SLC3A2: variants seen among roughly 807,000 people sequenced by gnomAD.
SLC3A2 encodes solute carrier family 3 member 2.
Under a neutral mutation model 48.5 loss-of-function variants are expected in SLC3A2, and 32 were observed. That is an observed-to-expected ratio of 0.66 (90% CI 0.50 to 0.89). The LOEUF is 0.89. Ranked by LOEUF, SLC3A2 falls within the 40% of genes least tolerant of loss-of-function variation. The pLI, the probability that SLC3A2 is intolerant of heterozygous loss-of-function variation, is 0.00. For synonymous variants in SLC3A2, 277 were observed against 288.8 expected (o/e 0.96, Z 0.41); for missense variants, 587 against 680.7 (o/e 0.86, Z 1.53).
Position 62,881,677 on chromosome 11 carries a change from C to T in SLC3A2, c.425-216C>T. 2.3e-6 allele frequency: 2 copies of T among 862,594 alleles called. No homozygotes were observed. Among genetic ancestry groups the T allele is most frequent in the Non-Finnish European group, 3.5e-6 (2 of 579,324 alleles). 53.4% of individuals were successfully genotyped at this position (862,594 alleles called of 1,614,324 possible). A position where few individuals can be genotyped will look rare whatever the true frequency, so the allele number is the denominator to read the frequency against. ...CGAGGGTGGGTGACTCAGCGTCCTC[C>T]TTCCCCGCGGCGCCAGAAGCCAGTT... On this transcript the variant is annotated intron_variant, in intron 1 of 8. Coordinates refer to ENST00000338663, the MANE Select transcript of SLC3A2 (RefSeq NM_001013251.3). This position sits in a 1 kb window ranked among gnomAD's most constrained non-coding sequence, Gnocchi z 4.0.
At position 62,885,214 on chromosome 11, in the gene SLC3A2, C is replaced by T. The variant is rs1170574978; in HGVS notation, c.856C>T (p.Gln286Ter). 2 of 1,614,198 alleles carry T rather than the reference C, an allele frequency of 1.2e-6. No individual in the cohort carries two copies. The highest frequency in any genetic ancestry group is 1.7e-6 in the Non-Finnish European group (2 of 1,180,038). Residue 286 changes from glutamine (Q) to a stop codon, truncating the protein, a stop_gained, in exon 6 of 9, where the codon CAG (glutamine) becomes TAG (stop). Transcript: ENST00000338663. LOFTEE classifies it high-confidence loss of function. ...GGGGACTAACTCCTCCGACCTTCAG[C>T]AGATCCTGAGCCTACTCGAATCCAA... ...IAGTNSSDLQQILSLLESNKD... is the reference protein window; with the variant it reads ...IAGTNSSDLQ
intron 1 of SLC3A2, among the ~76,000 whole-genome samples, chr11:62,869,390 G>C (rs914157849): frequency 6.6e-6 from 1 of 151,468 alleles, no homozygotes; most frequent in Non-Finnish European, 1.5e-5. Flanking sequence ...CAGGCGTGGT[G>C]GCGGGCGCCT....
intron 1 of SLC3A2, among the ~76,000 whole-genome samples, chr11:62,871,362 C>T (rs923727489): frequency 6.6e-6 from 1 of 151,574 alleles, no homozygotes; most frequent in Admixed American, 6.6e-5. Context: ...CCTCAGCCTC[C>T]CAAATAGCTG....
chr11:62,881,471 CG>C lies in SLC3A2; in HGVS notation c.424+27del. 1 of 1,545,062 alleles carries C rather than the reference CG, an allele frequency of 6.5e-7. No homozygotes were observed. Among genetic ancestry groups the C allele is most frequent in the Non-Finnish European group, 8.7e-7 (1 of 1,153,446 alleles). ...GGGTGAGTGCAGCGCGCCCCCGTCC[CG>C]GGTACCTCCGGTTGAATCTGGTGGC... is the stretch of plus-strand genomic sequence containing the variant. On this transcript the variant is annotated intron_variant, in intron 1 of 8. Coordinates refer to ENST00000338663, the MANE Select transcript of SLC3A2 (RefSeq NM_001013251.3). The surrounding 1 kb of genome is among the most constrained non-coding windows in gnomAD (Gnocchi z 4.0).
At position 62,866,411 on chromosome 11, in the gene SLC3A2, G is replaced by A. The variant is rs140677513; in HGVS notation, c.112+10030G>A. 9.6e-4 allele frequency among the ~76,000 whole-genome samples: 142 copies of A among 148,126 alleles called. 1 individual carries two copies. The highest frequency in any genetic ancestry group is 3.0e-3 in the African/African-American group (120 of 40,114). Reference sequence around the variant, plus strand: ...TAGTTTCTTTGCTTTTTTTTGGCAGGTGGGGGGGTGGTCTCACTCTATTGC... The same window carrying A: ...TAGTTTCTTTGCTTTTTTTTGGCAGATGGGGGGGTGGTCTCACTCTATTGC... On this transcript the variant is annotated intron_variant, in intron 1 of 9. Coordinates refer to the SLC3A2 transcript ENST00000377889.
At chr11:62,864,946 T>C (rs192224151) in intron 1 of SLC3A2, among the ~76,000 whole-genome samples, 1 of 151,924 alleles carries the variant, frequency 6.6e-6, no homozygotes, top group Non-Finnish European at 1.5e-5. Context: ...TAGTGATGGG[T>C]CCATGGACAA....
intron 1 of SLC3A2, among the ~76,000 whole-genome samples, chr11:62,862,207 C>G (rs2085406692): frequency 1.3e-5 from 2 of 151,134 alleles, no homozygotes; most frequent in Non-Finnish European, 2.9e-5. Flanking sequence ...ATCCCAGCTA[C>G]TCGGGAGGCT....
At chr11:62,869,263 A>T (rs982704130) in intron 1 of SLC3A2, among the ~76,000 whole-genome samples, 3 of 151,706 alleles carry the variant, frequency 2.0e-5, no homozygotes, top group Non-Finnish European at 4.4e-5. Context: ...CGTGGCTTAC[A>T]TCTGTAATCC....
At chr11:62,877,516 AAG>A (rs2135000790), upstream of SLC3A2, among the ~76,000 whole-genome samples, 1 of 152,380 alleles carries the variant, frequency 6.6e-6, no homozygotes, top group South Asian at 2.1e-4. Context: ...TTCAAGGACA[AAG>A]AGACATCCAG....
At chr11:62,857,198 T>C (rs1335404337) in intron 1 of SLC3A2, among the ~76,000 whole-genome samples, 2 of 151,748 alleles carry the variant, frequency 1.3e-5, no homozygotes, top group South Asian at 2.1e-4. Flanking sequence ...GTCTGTTCAC[T>C]GCAACCTCCG....
rs186744768 is a variant in SLC3A2 at position 62,857,024 on chromosome 11, T to C, written c.112+643T>C. Reference sequence around the variant, plus strand: ...TTTTAGTAGAGACAGGGTTTCTCCATGTTGGTCAGGCCGGTCTTGAACTCC... The same window carrying C: ...TTTTAGTAGAGACAGGGTTTCTCCACGTTGGTCAGGCCGGTCTTGAACTCC... On this transcript the variant is annotated intron_variant, in intron 1 of 9. Coordinates refer to the SLC3A2 transcript ENST00000377889. Among the ~76,000 whole-genome samples the C allele has an allele frequency of 5.1e-4, 77 of 152,014 alleles. No homozygotes were observed. The East Asian group carries it at 0.014, about 27-fold the overall frequency.
upstream of SLC3A2, among the ~76,000 whole-genome samples, chr11:62,878,328 C>T (rs1399336711): frequency 6.6e-6 from 1 of 152,112 alleles, no homozygotes; most frequent in Non-Finnish European, 1.5e-5. Context: ...GCTCTGTCTC[C>T]TAGGCTGGTA....
chr11:62,879,356 C>T (rs947455804), upstream of SLC3A2, among the ~76,000 whole-genome samples: 2 of 152,174 alleles, frequency 1.3e-5, no homozygotes, highest in Non-Finnish European at 2.9e-5. Context: ...ATCCTCCCTC[C>T]TTGGCCTCCT....
At chr11:62,884,981 GCCA>G (rs2085690571) in intron 5 of SLC3A2, among the ~76,000 whole-genome samples, 193 bp from the exon 6 acceptor site, 1 of 151,674 alleles carries the variant, frequency 6.6e-6, no homozygotes, top group African/African-American at 2.4e-5. Flanking sequence ...ACAGACGCGG[GCCA>G]CCACACCTGG....
intron 1 of SLC3A2, among the ~76,000 whole-genome samples, chr11:62,872,110 T>A (rs763222903): frequency 2.7e-5 from 4 of 150,912 alleles, no homozygotes; most frequent in Non-Finnish European, 5.9e-5. Flanking sequence ...AGAGACGGGG[T>A]TTCACCATGT....
At chr11:62,860,955 G>C (rs1467923335) in intron 1 of SLC3A2, among the ~76,000 whole-genome samples, 1 of 152,212 alleles carries the variant, frequency 6.6e-6, no homozygotes, top group Non-Finnish European at 1.5e-5. Context: ...GTTGGGGCTA[G>C]GGTTACAGAT....
intron 1 of SLC3A2, among the ~76,000 whole-genome samples, chr11:62,858,290 A>C (rs563320029): frequency 2.1e-3 from 316 of 152,320 alleles, no homozygotes; most frequent in African/African-American, 7.2e-3. Flanking sequence ...ACTCTGGTGA[A>C]CTGGGCAGCC....
rs1023214802 is a variant in SLC3A2, at chr11:62,863,948, G to A, written c.112+7567G>A. Among the ~76,000 whole-genome samples the A allele has an allele frequency of 3.3e-5, 5 of 152,132 alleles. No individual in the cohort carries two copies. In the East Asian group the frequency reaches 5.8e-4, roughly 18 times the overall value. On this transcript the variant is annotated intron_variant, in intron 1 of 9. Transcript: ENST00000377889. ...CGCTACTGATACTTTGAACCCCCAG[G>A]ATCTGCTGGATTGCATGGCTTAAGT...
rs757657360 is a variant in SLC3A2 at position 62,884,697 on chromosome 11, G to A, written c.818+7G>A. Reference sequence around the variant, plus strand: ...AGGGCTTCAGTGAAGACAGGTGGGTGCAGGAGCCATTCTGCTGACTCAGCT... The same window carrying A: ...AGGGCTTCAGTGAAGACAGGTGGGTACAGGAGCCATTCTGCTGACTCAGCT... On this transcript the variant is annotated splice_region_variant and intron_variant, in intron 5 of 8. Transcript: ENST00000338663. 28 of 1,589,090 alleles carry A rather than the reference G, an allele frequency of 1.8e-5. No homozygotes were observed. The highest frequency in any genetic ancestry group is 1.7e-4 in the Middle Eastern group (1 of 5,954).
Sources: gnomAD v4.1 joint callset for allele counts (sites outside exome capture counted in the v4.1 genomes callset) on GRCh38, gnomAD v4.1.1 for gene constraint, Gnocchi (gnomAD v3.1) non-coding constraint, MANE v1.5 for transcripts, NCBI Gene and HGNC (gene_info 2026-07-23, HGNC 2026-07-21) for gene names.